The following NRXN3 variants were observed in gnomAD, a reference collection of about 807,000 sequenced individuals.
NRXN3 encodes neurexin III.
NRXN3 carries 32 observed loss-of-function variants against 137.6 expected under a neutral mutation model. The observed-to-expected ratio is 0.23, with a 90% CI of 0.18 to 0.31. The LOEUF (loss-of-function observed/expected upper bound fraction) is 0.31, where lower values mean the gene tolerates loss of function less well. Among genes scored for constraint, NRXN3 ranks in the 10% least tolerant of loss-of-function variants. The pLI, the probability that NRXN3 is intolerant of heterozygous loss-of-function variation, is 1.00. For missense variants in NRXN3, 1,574 were observed against 2,062.5 expected (o/e 0.76, Z 4.59); for synonymous variants, 798 against 784.5 (o/e 1.02, Z -0.29).
intron 16 of NRXN3, among the ~76,000 whole-genome samples, chr14:79,469,855 T>C (rs1162617562): frequency 6.6e-6 from 1 of 152,196 alleles, no homozygotes; most frequent in Non-Finnish European, 1.5e-5. Context: ...GATTATCTCT[T>C]TGTCTACTCT....
At chr14:78,453,958 C>T (rs1049643713) in intron 4 of NRXN3, among the ~76,000 whole-genome samples, 2 of 152,164 alleles carry the variant, frequency 1.3e-5, no homozygotes, top group South Asian at 2.1e-4. Flanking sequence ...TCCAGAACTG[C>T]GAGACAATGA....
intron 4 of NRXN3, among the ~76,000 whole-genome samples, chr14:78,554,674 A>G (rs982891815): frequency 5.3e-5 from 8 of 152,160 alleles, no homozygotes; most frequent in Admixed American, 2.0e-4. Context: ...CTCAAGCACC[A>G]CCTGCAATTG....
intron 15 of NRXN3, among the ~76,000 whole-genome samples, chr14:79,020,040 A>G (rs989827665): frequency 1.3e-5 from 2 of 152,094 alleles, no homozygotes; most frequent in African/African-American, 4.8e-5. Context: ...TAAGAAAAGA[A>G]GTGATACCAC....
intron 15 of NRXN3, among the ~76,000 whole-genome samples, chr14:79,088,761 C>T (rs1449864508): frequency 6.6e-6 from 1 of 151,960 alleles, no homozygotes; most frequent in African/African-American, 2.4e-5. Context: ...TATATCAGCC[C>T]TTTTTTTATG....
intron 4 of NRXN3, among the ~76,000 whole-genome samples, chr14:78,407,008 C>T (rs1309741795): frequency 2.0e-5 from 3 of 152,088 alleles, no homozygotes; most frequent in East Asian, 3.9e-4. Flanking sequence ...AAGCAGGGTA[C>T]AAGGAGACAA....
At chr14:79,778,736 AC>A (rs955056940) in intron 19 of NRXN3, among the ~76,000 whole-genome samples, 13 of 152,148 alleles carry the variant, frequency 8.5e-5, no homozygotes, top group African/African-American at 3.1e-4. Context: ...TTTAAAAAAA[AC>A]ATTGTTCAAT....
chr14:79,156,174 C>T (rs1369155341), intron 15 of NRXN3, among the ~76,000 whole-genome samples: 1 of 151,766 alleles, frequency 6.6e-6, no homozygotes, highest in Non-Finnish European at 1.5e-5. Flanking sequence ...TACTTCAACC[C>T]TCACAACTGC....
chr14:79,357,050 G>T (rs1367666726), intron 15 of NRXN3, among the ~76,000 whole-genome samples: 1 of 152,160 alleles, frequency 6.6e-6, no homozygotes, highest in Non-Finnish European at 1.5e-5. Flanking sequence ...TTTGATAAAT[G>T]AATGTGTTGA....
intron 15 of NRXN3, among the ~76,000 whole-genome samples, chr14:79,196,564 C>A (rs8017399): frequency 0.34 from 51,045 of 151,948 alleles, 8,847 homozygotes; most frequent in Non-Finnish European, 0.39. Flanking sequence ...CCAACACATG[C>A]ACTCTGGGGG....
At chr14:79,284,973 G>A (rs1330533940) in intron 15 of NRXN3, among the ~76,000 whole-genome samples, 1 of 152,092 alleles carries the variant, frequency 6.6e-6, no homozygotes, top group Admixed American at 6.6e-5. Context: ...TCCATCTTTG[G>A]CTCCTCTAGA....
intron 4 of NRXN3, among the ~76,000 whole-genome samples, chr14:78,440,360 G>A (rs17107594): frequency 0.024 from 3,718 of 152,070 alleles, 125 homozygotes; most frequent in African/African-American, 0.081. Context: ...CTGAGGAATG[G>A]CCAAGATGCA....
At chr14:78,426,787 A>G (rs923757163) in intron 4 of NRXN3, among the ~76,000 whole-genome samples, 1 of 152,076 alleles carries the variant, frequency 6.6e-6, no homozygotes, top group Non-Finnish European at 1.5e-5. Context: ...GGTTTTCTCA[A>G]ATTTTTTTAG....
intron 3 of NRXN3, among the ~76,000 whole-genome samples, chr14:78,280,277 T>C (rs758456924): frequency 3.3e-5 from 5 of 152,214 alleles, no homozygotes; most frequent in Non-Finnish European, 7.3e-5. Flanking sequence ...ATGCTTTATA[T>C]GCATACATAT....
chr14:79,657,544 G>A (rs923840431), intron 16 of NRXN3, among the ~76,000 whole-genome samples: 2 of 152,180 alleles, frequency 1.3e-5, no homozygotes, highest in Non-Finnish European at 2.9e-5. Context: ...TAATAATGAA[G>A]TGCTTACTCT....
chr14:78,807,280 G>A (rs1196867824), intron 9 of NRXN3, among the ~76,000 whole-genome samples: 1 of 152,212 alleles, frequency 6.6e-6, no homozygotes, highest in African/African-American at 2.4e-5. Context: ...CTCTGAGGGA[G>A]TGGCATGTAG....
At chr14:79,122,397 A>C (rs1293778885) in intron 15 of NRXN3, among the ~76,000 whole-genome samples, 1 of 152,148 alleles carries the variant, frequency 6.6e-6, no homozygotes, top group Non-Finnish European at 1.5e-5. Flanking sequence ...GCTATTAACA[A>C]TGTACACATA....
intron 15 of NRXN3, among the ~76,000 whole-genome samples, chr14:79,323,714 C>A (rs1268128489): frequency 6.6e-6 from 1 of 152,050 alleles, no homozygotes; most frequent in Non-Finnish European, 1.5e-5. Context: ...CAAAACGTAG[C>A]CGGGCGTGGC....
intron 17 of NRXN3, among the ~76,000 whole-genome samples, chr14:79,681,301 A>G (rs1370052449): frequency 2.0e-5 from 3 of 151,904 alleles, no homozygotes; most frequent in African/African-American, 7.3e-5. Flanking sequence ...CCACTCTCGG[A>G]CCCCTGTTCT....
intron 15 of NRXN3, among the ~76,000 whole-genome samples, chr14:79,296,638 A>G (rs562975978): frequency 2.0e-5 from 3 of 152,284 alleles, no homozygotes; most frequent in South Asian, 2.1e-4. Flanking sequence ...TAAATACTAT[A>G]TGACTTGTCC....
Sources: gnomAD v4.1 joint callset for allele counts (sites outside exome capture counted in the v4.1 genomes callset) on GRCh38, gnomAD v4.1.1 for gene constraint, MANE v1.5 for transcripts, NCBI Gene and HGNC (gene_info 2026-07-23, HGNC 2026-07-21) for gene names.